The following EPB41L1 variants were observed in gnomAD, a reference collection of about 807,000 sequenced individuals.
EPB41L1 encodes erythrocyte membrane protein band 4.1 like 1, also known as band 4.1-like protein 1.
Under a neutral mutation model 97.8 loss-of-function variants are expected in EPB41L1, and 29 were observed. The ratio of observed to expected loss-of-function variants is 0.30; its 90% CI spans 0.22 to 0.40. The LOEUF (loss-of-function observed/expected upper bound fraction) is 0.40, where lower values mean the gene tolerates loss of function less well. EPB41L1 is among the 10% of genes least tolerant of loss of function. The probability of loss-of-function intolerance (pLI) is 1.00; values close to 1 mark genes in which losing one functional copy is unlikely to be tolerated. For synonymous variants in EPB41L1, 383 were observed against 459.2 expected, an observed-to-expected ratio of 0.83 and a Z score of 2.12; for missense variants, 812 against 1,162.3, an observed-to-expected ratio of 0.70 and a Z score of 4.38.
Position 36,207,014 on chromosome 20 carries a change from C to G in EPB41L1, c.1669-2474C>G, listed in dbSNP as rs1346958331. ...CCCAAAGAGAGGGGAGTGGTTCCCA[C>G]CCAGAAAGGAGGGGCTGAGCTGAAG... On this transcript the variant is annotated intron_variant, in intron 14 of 21. Coordinates refer to ENST00000338074, the MANE Select transcript of EPB41L1 (RefSeq NM_012156.2). The surrounding 1 kb of genome is among the most constrained non-coding windows in gnomAD (Gnocchi z 4.9). The G allele has an allele frequency of 1.6e-6, 2 of 1,289,932 alleles. No individual in the cohort carries two copies. The highest frequency in any genetic ancestry group is 2.0e-6 in the Non-Finnish European group (2 of 988,894). The allele number at this position is 1,289,932 out of a possible 1,614,324, so 79.9% of individuals were successfully genotyped here. A position where few individuals can be genotyped will look rare whatever the true frequency, so the allele number is the denominator to read the frequency against.
At chr20:36,172,565 C>T (rs2061038601) in intron 1 of EPB41L1, among the ~76,000 whole-genome samples, 1 of 152,234 alleles carries the variant, frequency 6.6e-6, no homozygotes, top group Non-Finnish European at 1.5e-5. Context: ...TGTGCAAACA[C>T]AAACATATGT....
intron 1 of EPB41L1, among the ~76,000 whole-genome samples, chr20:36,100,453 G>C (rs1478209878): frequency 6.6e-6 from 1 of 152,144 alleles, no homozygotes; most frequent in Non-Finnish European, 1.5e-5. Context: ...TTCCTCATAA[G>C]AGGCTCACTC....
intron 1 of EPB41L1, among the ~76,000 whole-genome samples, chr20:36,095,010 C>T (rs548901104): frequency 4.8e-4 from 73 of 151,778 alleles, no homozygotes; most frequent in African/African-American, 1.6e-3. Flanking sequence ...TCACTCTTGT[C>T]GCCTAGGCTG....
At chr20:36,167,201 A>G (rs2060773088) in intron 1 of EPB41L1, among the ~76,000 whole-genome samples, 1 of 152,186 alleles carries the variant, frequency 6.6e-6, no homozygotes, top group Non-Finnish European at 1.5e-5. Flanking sequence ...GACTATCATT[A>G]AGGACAAAGC....
In EPB41L1 at chr20:36,185,182, C is replaced by T. The variant is rs1409685376; in HGVS notation, c.632C>T (p.Thr211Met). ...ITGRLPCSFV[T>M]HALLGSYAVQ... The stretch of plus-strand genomic sequence containing the variant: ...GGCCGGCTGCCATGCTCCTTTGTCA[C>T]GCATGCCCTACTGGGCTCCTACGCT... The change falls in exon 7 of 22, where the codon ACG becomes ATG. Residue 211 changes from threonine (T) to methionine (M), a missense_variant. By Grantham distance (81) the Thr-to-Met change is moderately conservative. This residue lies in a region of EPB41L1 where 230 missense variants were observed against 445.2 expected (regional missense o/e 0.52). Transcript: ENST00000338074. The T allele has an allele frequency of 3.7e-6, 6 of 1,613,308 alleles. No individual in the cohort carries two copies. Among genetic ancestry groups the T allele is most frequent in the African/African-American group, 1.3e-5 (1 of 74,910 alleles).
intron 1 of EPB41L1, 99 bp from the exon 2 acceptor site, chr20:36,173,665 T>C: frequency 9.4e-7 from 1 of 1,060,630 alleles, no homozygotes; most frequent in Non-Finnish European, 1.5e-6. Context: ...TTTGTCCGTT[T>C]GCCTCCATCT....
rs750977787 is a variant in EPB41L1 at position 36,209,774 on chromosome 20, C to T, written c.1955C>T (p.Thr652Ile). The T allele has an allele frequency of 6.2e-7, 1 of 1,614,112 alleles. No homozygotes were observed. Among genetic ancestry groups the T allele is most frequent in the Non-Finnish European group, 8.5e-7 (1 of 1,180,046 alleles). ...GACCGGGACAAAAGCGACTCGGACA[C>T]TGAGGGCCTGCTGTTCTCCCGGGAT... The part of the protein sequence containing the change: ...ELDRDKSDSD[T>I]EGLLFSRDLN... The change falls in exon 15 of 22, where the codon ACT becomes ATT. Residue 652 changes from threonine (T) to isoleucine (I), a missense_variant. Around this residue, in one of 3 missense-constraint regions of EPB41L1, gnomAD observed 498 missense variants for 622.7 expected, o/e 0.80. Transcript: ENST00000338074. This position sits in a 1 kb window ranked among gnomAD's most constrained non-coding sequence, Gnocchi z 4.2.
At position 36,206,127 on chromosome 20, in the gene EPB41L1, G is replaced by A; in HGVS notation, c.1669-3361G>A. 2 of 1,289,890 alleles carry A rather than the reference G, an allele frequency of 1.6e-6. No homozygotes were observed. The highest frequency in any genetic ancestry group is 2.0e-6 in the Non-Finnish European group (2 of 988,892). 79.9% of individuals were successfully genotyped at this position (1,289,890 alleles called of 1,614,324 possible). ...AGTCAGTGGGGGAGGAAGGCCCCTG[G>A]ATCAGGGAAAGCCCAGGAGGGGCTG... is the stretch of plus-strand genomic sequence containing the variant. On this transcript the variant is annotated intron_variant, in intron 14 of 21. Transcript: ENST00000338074. The surrounding 1 kb of genome is among the most constrained non-coding windows in gnomAD (Gnocchi z 5.5).
intron 2 of EPB41L1, among the ~76,000 whole-genome samples, chr20:36,143,172 T>C (rs866770446): frequency 2.1e-5 from 3 of 145,058 alleles, no homozygotes; most frequent in African/African-American, 8.4e-5. Context: ...TGTGTGTGTG[T>C]GTGTGTGTGT....
chr20:36,102,113 G>A (rs2058039427), intron 1 of EPB41L1, among the ~76,000 whole-genome samples: 1 of 138,924 alleles, frequency 7.2e-6, no homozygotes, highest in Admixed American at 7.2e-5. Context: ...CCATGGGCGG[G>A]GTGGGGGGTG....
intron 6 of EPB41L1, among the ~76,000 whole-genome samples, chr20:36,184,666 G>T (rs193290724): frequency 6.6e-6 from 1 of 152,274 alleles, no homozygotes; most frequent in East Asian, 1.9e-4. Context: ...AGCATTTGAT[G>T]CCATTTACAG....
intron 11 of EPB41L1, among the ~76,000 whole-genome samples, chr20:36,192,897 G>A (rs1485722501): frequency 6.6e-6 from 1 of 152,210 alleles, no homozygotes; most frequent in Non-Finnish European, 1.5e-5. Context: ...GGATACCTAG[G>A]AGTTTGCCAG....
At chr20:36,103,340 G>A (rs920439577) in intron 1 of EPB41L1, among the ~76,000 whole-genome samples, 1 of 152,204 alleles carries the variant, frequency 6.6e-6, no homozygotes, top group Non-Finnish European at 1.5e-5. Context: ...TCTGGGCTGA[G>A]CTGGCCTCTT....
chr20:36,187,837 C>T (rs1003455831), intron 8 of EPB41L1, 74 bp downstream of exon 8: 14 of 1,317,218 alleles, frequency 1.1e-5, no homozygotes, highest in Non-Finnish European at 1.4e-5. Flanking sequence ...TTCCCTAGGG[C>T]GTGGTGTGCC....
chr20:36,187,625 C>T (rs749718609), intron 7 of EPB41L1, 51 bp from the exon 8 acceptor site: 26 of 1,514,190 alleles, frequency 1.7e-5, no homozygotes, highest in Middle Eastern at 1.7e-4. Flanking sequence ...GACAGCAGGA[C>T]TAAACCTGGG....
chr20:36,217,742 C>G (rs2063528877), intron 17 of EPB41L1, among the ~76,000 whole-genome samples: 1 of 152,130 alleles, frequency 6.6e-6, no homozygotes, highest in African/African-American at 2.4e-5. Context: ...TGGGAACGTG[C>G]CTTGTGGTGC....
intron 17 of EPB41L1, among the ~76,000 whole-genome samples, chr20:36,218,281 G>C (rs1163613194): frequency 1.3e-5 from 2 of 152,144 alleles, no homozygotes; most frequent in African/African-American, 2.4e-5. Context: ...GGTGTTATGA[G>C]AATTAAACGA....
At chr20:36,154,223 T>TG (rs1313169109), upstream of EPB41L1, among the ~76,000 whole-genome samples, 1 of 150,814 alleles carries the variant, frequency 6.6e-6, no homozygotes, top group Non-Finnish European at 1.5e-5. The surrounding 1 kb of genome is among the most constrained non-coding windows in gnomAD (Gnocchi z 5.5). Flanking sequence ...GCTGCAGGGG[T>TG]GGTGAGGGGA....
intron 21 of EPB41L1, among the ~76,000 whole-genome samples, chr20:36,223,374 C>G (rs2063906237): frequency 6.6e-6 from 1 of 152,184 alleles, no homozygotes; most frequent in African/African-American, 2.4e-5. Flanking sequence ...GAGCCAAAAT[C>G]TTAGGGACTC....
Sources: gnomAD v4.1 joint callset for allele counts (sites outside exome capture counted in the v4.1 genomes callset) on GRCh38, gnomAD v4.1.1 for gene constraint, gnomAD v4.1.1 regional missense constraint, Gnocchi (gnomAD v3.1) non-coding constraint, MANE v1.5 for transcripts, NCBI Gene and HGNC (gene_info 2026-07-23, HGNC 2026-07-21) for gene names.